SMG6: variants seen among roughly 807,000 people sequenced by gnomAD.
SMG6 encodes the protein SMG6 nonsense mediated mRNA decay factor.
Under a neutral mutation model 142.2 loss-of-function variants are expected in SMG6, and 66 were observed. That is an observed-to-expected ratio of 0.46 (90% CI 0.38 to 0.57). The LOEUF (loss-of-function observed/expected upper bound fraction) is 0.57, where lower values mean the gene tolerates loss of function less well. SMG6 is among the 20% of genes least tolerant of loss of function. The probability of loss-of-function intolerance (pLI) is 0.00; values close to 1 mark genes in which losing one functional copy is unlikely to be tolerated. For synonymous variants in SMG6, 779 were observed against 702.4 expected, an observed-to-expected ratio of 1.11 and a Z score of -1.72; for missense variants, 1,793 against 1,832.0, an observed-to-expected ratio of 0.98 and a Z score of 0.39.
chr17:2,269,838 T>G (rs957260838), intron 8 of SMG6, among the ~76,000 whole-genome samples: 1 of 152,162 alleles, frequency 6.6e-6, no homozygotes, highest in African/African-American at 2.4e-5. Flanking sequence ...TTACAGAACA[T>G]GCCCAAAGTC....
At chr17:2,248,166 C>T (rs1229105677) in intron 8 of SMG6, among the ~76,000 whole-genome samples, 1 of 152,080 alleles carries the variant, frequency 6.6e-6, no homozygotes, top group African/African-American at 2.4e-5. Flanking sequence ...TAAATACCAT[C>T]CCCCAAGCCA....
At chr17:2,279,577 T>C (rs1479559225) in intron 8 of SMG6, among the ~76,000 whole-genome samples, 4 of 152,162 alleles carry the variant, frequency 2.6e-5, no homozygotes, top group Non-Finnish European at 4.4e-5. Flanking sequence ...CCATAGTATA[T>C]GGATTACTGA....
At chr17:2,128,945 A>G (rs149526598) in intron 13 of SMG6, among the ~76,000 whole-genome samples, 1 of 152,336 alleles carries the variant, frequency 6.6e-6, no homozygotes, top group Non-Finnish European at 1.5e-5. Flanking sequence ...AAAATGAAAG[A>G]AATATGTTAT....
At chr17:2,091,846 G>T (rs1332003209) in intron 13 of SMG6, among the ~76,000 whole-genome samples, 45 of 149,912 alleles carry the variant, frequency 3.0e-4, no homozygotes, top group Middle Eastern at 3.4e-3. Context: ...AATTTTGTGT[G>T]TGTGTGTGTT....
At chr17:2,302,082 G>A (rs1015897132) in intron 1 of SMG6, among the ~76,000 whole-genome samples, 2 of 151,466 alleles carry the variant, frequency 1.3e-5, no homozygotes, top group African/African-American at 2.4e-5. Context: ...GCAACACCCT[G>A]TCTCTATAAC....
intron 13 of SMG6, among the ~76,000 whole-genome samples, chr17:2,138,333 G>A (rs2070370745): frequency 6.6e-6 from 1 of 152,132 alleles, no homozygotes; most frequent in African/African-American, 2.4e-5. Context: ...CCCATCTACA[G>A]GAAGTTTATC....
intron 13 of SMG6, among the ~76,000 whole-genome samples, chr17:2,131,901 G>A (rs574502302): frequency 2.6e-5 from 4 of 152,058 alleles, no homozygotes; most frequent in African/African-American, 4.8e-5. Flanking sequence ...GTAAAACCCC[G>A]TTTCTACTAA....
chr17:2,303,784 A>G lies in SMG6; in HGVS notation c.-64T>C, dbSNP rs1313253450. 3.8e-6 allele frequency: 5 copies of G among 1,307,276 alleles called. No homozygotes were observed. The African/African-American group carries it at 4.7e-5, about 12-fold the overall frequency. The allele number at this position is 1,307,276 out of a possible 1,614,324, so 81.0% of individuals were successfully genotyped here. A position where few individuals can be genotyped will look rare whatever the true frequency, so the allele number is the denominator to read the frequency against. On this transcript the variant is annotated 5_prime_UTR_variant, in exon 1 of 19. Coordinates refer to ENST00000263073, the MANE Select transcript of SMG6 (RefSeq NM_017575.5). The stretch of plus-strand genomic sequence containing the variant: ...CGCCGCGCGCAGCCAGGAAACCACC[A>G]CAGACGGGCGGCGCGCGCGCTCGCC...
At chr17:2,147,098 C>T (rs1349234364) in intron 13 of SMG6, among the ~76,000 whole-genome samples, 3 of 152,124 alleles carry the variant, frequency 2.0e-5, no homozygotes, top group Admixed American at 6.5e-5. Context: ...GTTTAGAAAG[C>T]TATAGGTTAT....
At chr17:2,283,888 G>A (rs758905804) in intron 6 of SMG6, among the ~76,000 whole-genome samples, 153 bp from the exon 7 acceptor site, 1 of 152,114 alleles carries the variant, frequency 6.6e-6, no homozygotes, top group Non-Finnish European at 1.5e-5. Context: ...ATCCACAGGA[G>A]AAGCCATTGC....
At chr17:2,147,790 A>T (rs1162995528) in intron 13 of SMG6, among the ~76,000 whole-genome samples, 3 of 152,234 alleles carry the variant, frequency 2.0e-5, no homozygotes, top group Non-Finnish European at 4.4e-5. Flanking sequence ...TGTTACTAAA[A>T]AACAAAAGTA....
At chr17:2,296,368 AC>A (rs2075142463) in intron 4 of SMG6, among the ~76,000 whole-genome samples, 1 of 152,130 alleles carries the variant, frequency 6.6e-6, no homozygotes, top group Non-Finnish European at 1.5e-5. Context: ...ACTCAGCTTG[AC>A]AATCTCCAAG....
At chr17:2,259,056 C>A (rs911020650) in intron 8 of SMG6, among the ~76,000 whole-genome samples, 1 of 151,554 alleles carries the variant, frequency 6.6e-6, no homozygotes, top group African/African-American at 2.4e-5. Context: ...CCAGCCTGGG[C>A]GACAAAGCGA....
At chr17:2,265,523 T>C (rs1410563464) in intron 8 of SMG6, among the ~76,000 whole-genome samples, 2 of 144,308 alleles carry the variant, frequency 1.4e-5, no homozygotes, top group Non-Finnish European at 1.5e-5. Context: ...AAAAAAAAAC[T>C]GTCTGCTTAA....
At chr17:2,090,102 G>T (rs539249647) in intron 13 of SMG6, among the ~76,000 whole-genome samples, 2 of 147,534 alleles carry the variant, frequency 1.4e-5, no homozygotes, top group African/African-American at 5.0e-5. Flanking sequence ...AGAATCGCTT[G>T]AATCTGGGAG....
chr17:2,230,286 G>A (rs28735887), intron 10 of SMG6, among the ~76,000 whole-genome samples: 1 of 53,718 alleles, frequency 1.9e-5, no homozygotes, highest in African/African-American at 7.2e-5. Context: ...TTCTCCTTCA[G>A]AATAAGTCCA....
intron 13 of SMG6, among the ~76,000 whole-genome samples, chr17:2,144,989 T>C (rs576123245): frequency 4.6e-5 from 7 of 152,336 alleles, no homozygotes; most frequent in Non-Finnish European, 1.0e-4. Flanking sequence ...ACCAGCCAGC[T>C]TTGGCACTCG....
rs1168791540 is a variant in SMG6, at chr17:2,060,694, G to C, written c.*798C>G. On this transcript the variant is annotated 3_prime_UTR_variant, in exon 19 of 19. Transcript: ENST00000263073. ...AGTCAGGACATTTCCTGAAGAGGAA[G>C]CTAGACGGAAAGAAAGGCCAGTGAG... 1 of 152,454 alleles carries C rather than the reference G, an allele frequency of 6.6e-6. No homozygotes were observed. The highest frequency in any genetic ancestry group is 1.5e-5 in the Non-Finnish European group (1 of 68,186). The allele number at this position is 152,454 out of a possible 1,614,324, so 9.4% of individuals were successfully genotyped here.
At chr17:2,237,397 A>T in intron 9 of SMG6, 1 of 529,258 alleles carries the variant, frequency 1.9e-6, no homozygotes, top group Non-Finnish European at 2.4e-6. Flanking sequence ...CGTTTACTTT[A>T]GGTAACCAGA....
Sources: allele counts gnomAD v4.1 joint callset (sites outside exome capture counted in the v4.1 genomes callset), GRCh38; gene constraint gnomAD v4.1.1; transcripts MANE v1.5; gene names NCBI Gene and HGNC (gene_info 2026-07-23, HGNC 2026-07-21).